RBMS3: variants seen among roughly 807,000 people sequenced by gnomAD.
The protein encoded by RBMS3 is RNA-binding motif, single-stranded-interacting protein 3.
Under a neutral mutation model 66.8 loss-of-function variants are expected in RBMS3, and 27 were observed. That is an observed-to-expected ratio of 0.40 (90% CI 0.30 to 0.56). RBMS3 has a LOEUF of 0.56. RBMS3 is among the 20% of genes least tolerant of loss of function. RBMS3 has a pLI of 0.40. For synonymous variants in RBMS3, 188 were observed against 183.0 expected (o/e 1.03, Z -0.22); for missense variants, 513 against 549.5 (o/e 0.93, Z 0.66).
intron 1 of RBMS3, among the ~76,000 whole-genome samples, chr3:29,380,219 C>A (rs1227354133): frequency 6.6e-6 from 1 of 151,504 alleles, no homozygotes; most frequent in Non-Finnish European, 1.5e-5. Flanking sequence ...ATCTCACACA[C>A]ACACACACAC....
intron 6 of RBMS3, among the ~76,000 whole-genome samples, chr3:29,786,760 C>T (rs954062317): frequency 3.3e-5 from 5 of 152,118 alleles, no homozygotes; most frequent in African/African-American, 9.7e-5. Flanking sequence ...ATCAGAAAAA[C>T]CTTTCTAGAC....
chr3:29,460,256 A>G (rs967472124), intron 2 of RBMS3, among the ~76,000 whole-genome samples: 6 of 152,220 alleles, frequency 3.9e-5, no homozygotes, highest in African/African-American at 1.4e-4. Flanking sequence ...GCCAGTTGCA[A>G]TCAGTGGGTA....
chr3:29,413,351 G>A (rs1202290779), intron 1 of RBMS3, among the ~76,000 whole-genome samples: 1 of 151,648 alleles, frequency 6.6e-6, no homozygotes, highest in Non-Finnish European at 1.5e-5. Flanking sequence ...CCTGGGCAAA[G>A]AGAGTGAAAC....
At chr3:29,612,035 T>G (rs769118240) in intron 4 of RBMS3, among the ~76,000 whole-genome samples, 2 of 151,992 alleles carry the variant, frequency 1.3e-5, no homozygotes, top group Non-Finnish European at 2.9e-5. Flanking sequence ...ACCTCCCAAC[T>G]CCTCAATTTT....
chr3:29,932,253 A>G (rs1467789799), intron 10 of RBMS3, among the ~76,000 whole-genome samples: 1 of 152,170 alleles, frequency 6.6e-6, no homozygotes, highest in Non-Finnish European at 1.5e-5. Flanking sequence ...AATGTTTTTA[A>G]CAAGATATAA....
At chr3:29,451,578 T>C (rs1335878325) in intron 2 of RBMS3, among the ~76,000 whole-genome samples, 1 of 151,898 alleles carries the variant, frequency 6.6e-6, no homozygotes, top group Non-Finnish European at 1.5e-5. Context: ...TTGTGGTTTT[T>C]GTTTTTTTCA....
intron 4 of RBMS3, among the ~76,000 whole-genome samples, chr3:29,733,659 G>A (rs535796342): frequency 6.6e-6 from 1 of 152,054 alleles, no homozygotes; most frequent in East Asian, 1.9e-4. Flanking sequence ...TGGCCATTAT[G>A]AATAGTTGGC....
intron 6 of RBMS3, among the ~76,000 whole-genome samples, chr3:29,795,063 G>A (rs1324665876): frequency 6.6e-6 from 1 of 152,214 alleles, no homozygotes; most frequent in African/African-American, 2.4e-5. Context: ...TAGGCGTCAT[G>A]TGTGTTATCA....
intron 4 of RBMS3, chr3:29,640,959 G>A (rs2049681417): frequency 6.6e-6 from 1 of 151,852 alleles, no homozygotes; most frequent in Admixed American, 6.6e-5. Flanking sequence ...AGAATTACAT[G>A]ATAATACATG....
intron 1 of RBMS3, among the ~76,000 whole-genome samples, chr3:29,369,092 A>G (rs147374987): frequency 1.6e-3 from 245 of 152,254 alleles, no homozygotes; most frequent in Non-Finnish European, 2.7e-3. Context: ...GTTCTCACTT[A>G]TAACTGGGAG....
chr3:29,607,224 C>T (rs571847823), intron 4 of RBMS3, among the ~76,000 whole-genome samples: 11 of 151,890 alleles, frequency 7.2e-5, no homozygotes, highest in Non-Finnish European at 1.3e-4. Context: ...TTTAAAGTTC[C>T]ATTCTATTTT....
At chr3:29,441,919 C>T (rs979347579) in intron 2 of RBMS3, among the ~76,000 whole-genome samples, 1 of 151,996 alleles carries the variant, frequency 6.6e-6, no homozygotes, top group African/African-American at 2.4e-5. Flanking sequence ...TTTCAATTAT[C>T]CAGAAGTATT....
At chr3:29,331,588 A>G (rs1365155131) in intron 1 of RBMS3, among the ~76,000 whole-genome samples, 1 of 152,076 alleles carries the variant, frequency 6.6e-6, no homozygotes, top group African/African-American at 2.4e-5. Context: ...AGGAAACCAG[A>G]CTTGAGACAT....
At chr3:29,354,858 C>G (rs1289637082) in intron 1 of RBMS3, among the ~76,000 whole-genome samples, 1 of 152,150 alleles carries the variant, frequency 6.6e-6, no homozygotes. Context: ...TTATGTAGCA[C>G]TCATTCTGTG....
At chr3:29,673,512 C>A (rs1446620588) in intron 4 of RBMS3, among the ~76,000 whole-genome samples, 1 of 148,606 alleles carries the variant, frequency 6.7e-6, no homozygotes, top group Non-Finnish European at 1.5e-5. Flanking sequence ...GACAGCAAGA[C>A]TAGTAAAGAA....
At chr3:29,948,378 T>C (rs924355312) in intron 12 of RBMS3, among the ~76,000 whole-genome samples, 2 of 151,792 alleles carry the variant, frequency 1.3e-5, no homozygotes, top group Admixed American at 6.6e-5. Context: ...AAAGATTTAA[T>C]TGAAGCCTAT....
intron 4 of RBMS3, among the ~76,000 whole-genome samples, chr3:29,620,679 C>A (rs2048834856): frequency 6.6e-6 from 1 of 151,912 alleles, no homozygotes; most frequent in Non-Finnish European, 1.5e-5. Flanking sequence ...TTAACTTTGG[C>A]ATCCTCTAAA....
At chr3:29,485,409 A>C (rs2125826712) in intron 2 of RBMS3, among the ~76,000 whole-genome samples, 1 of 152,310 alleles carries the variant, frequency 6.6e-6, no homozygotes, top group Non-Finnish European at 1.5e-5. Context: ...ATAGAATATA[A>C]GAAATATCAT....
chr3:29,901,186 C>A (rs2060244282), intron 10 of RBMS3, among the ~76,000 whole-genome samples: 1 of 151,708 alleles, frequency 6.6e-6, no homozygotes, highest in Admixed American at 6.6e-5. Flanking sequence ...CTACACTTTT[C>A]TGTCCAAGTC....
Sources: gnomAD v4.1 joint callset for allele counts (sites outside exome capture counted in the v4.1 genomes callset) on GRCh38, gnomAD v4.1.1 for gene constraint, MANE v1.5 for transcripts, NCBI Gene and HGNC (gene_info 2026-07-23, HGNC 2026-07-21) for gene names.